Variants in RNF10 observed in about 807,000 individuals in gnomAD.
RNF10 encodes the protein E3 ubiquitin-protein ligase RNF10.
Under a neutral mutation model 91.4 loss-of-function variants are expected in RNF10, and 38 were observed. The observed-to-expected ratio is 0.42, with a 90% CI of 0.32 to 0.54. The LOEUF (loss-of-function observed/expected upper bound fraction) is 0.54, where lower values mean the gene tolerates loss of function less well. Among genes scored for constraint, RNF10 ranks in the 20% least tolerant of loss-of-function variants. The probability of loss-of-function intolerance (pLI) is 0.16; values close to 1 mark genes in which losing one functional copy is unlikely to be tolerated. For synonymous variants in RNF10, 364 were observed against 366.3 expected, an observed-to-expected ratio of 0.99 and a Z score of 0.07; for missense variants, 945 against 1,012.0, an observed-to-expected ratio of 0.93 and a Z score of 0.90.
intron 2 of RNF10, among the ~76,000 whole-genome samples, chr12:120,550,480 TGATTAAAGA>T (rs1340543164): frequency 6.6e-6 from 1 of 152,158 alleles, no homozygotes; most frequent in Non-Finnish European, 1.5e-5. Context: ...GAAGACCGTT[TGATTAAAGA>T]GATCAGAGCC....
chr12:120,537,591 G>A (rs1871013125), intron 1 of RNF10, among the ~76,000 whole-genome samples: 1 of 152,134 alleles, frequency 6.6e-6, no homozygotes, highest in Admixed American at 6.6e-5. Flanking sequence ...TTGCACCATT[G>A]CACTCCAGCC....
At chr12:120,561,493 A>ATGGC (rs1319270067) in intron 7 of RNF10, among the ~76,000 whole-genome samples, 28 of 152,314 alleles carry the variant, frequency 1.8e-4, no homozygotes, top group African/African-American at 6.7e-4. Flanking sequence ...GGTGATTCTG[A>ATGGC]TGGCTGCTCA....
intron 1 of RNF10, chr12:120,535,299 A>G (rs901957039): frequency 1.8e-5 from 4 of 227,886 alleles, no homozygotes; most frequent in East Asian, 1.1e-4. Context: ...TCATCAGTCC[A>G]CGCTCCTAAA....
chr12:120,551,290 G>GTTTTTGT (rs1873022201), intron 2 of RNF10, among the ~76,000 whole-genome samples: 1 of 83,220 alleles, frequency 1.2e-5, no homozygotes, highest in African/African-American at 4.7e-5. Flanking sequence ...CCATCCTAGT[G>GTTTTTGT]TTTTTTTTTT....
intron 4 of RNF10, 140 bp from the exon 5 acceptor site, chr12:120,557,142 T>C: frequency 1.4e-6 from 1 of 736,140 alleles, no homozygotes; most frequent in African/African-American, 1.8e-5. Context: ...GTAAACAATT[T>C]TAGAAAGATA....
rs1433975359 is a variant in RNF10, at chr12:120,575,934, T to A, written c.2343T>A (p.Thr781=). Residue 781 remains threonine (T), a synonymous_variant, in exon 16 of 17, where the codon ACT becomes ACA. Coordinates refer to ENST00000325954, the MANE Select transcript of RNF10 (RefSeq NM_014868.5). ...TCATGAAACTGGACACACCAGCTAC[T>A]TCAGATCCCCTCTCTGGTAAGGGCA... The part of the protein sequence containing the change: ...AAFMKLDTPA[T]SDPLSEEKGG... 4 of 1,613,758 alleles carry A rather than the reference T, an allele frequency of 2.5e-6. No individual in the cohort carries two copies. The highest frequency in any genetic ancestry group is 3.4e-6 in the Non-Finnish European group (4 of 1,180,024).
At chr12:120,537,182 T>A in intron 1 of RNF10, among the ~76,000 whole-genome samples, 1 of 151,734 alleles carries the variant, frequency 6.6e-6, no homozygotes, top group East Asian at 1.9e-4. Context: ...GGCACGCACC[T>A]GTAGTCCCAG....
intron 6 of RNF10, among the ~76,000 whole-genome samples, chr12:120,558,825 C>T (rs941005893): frequency 6.6e-6 from 1 of 151,638 alleles, no homozygotes; most frequent in Non-Finnish European, 1.5e-5. Context: ...CCCGCCTTAC[C>T]TCCCAAAGTG....
intron 2 of RNF10, among the ~76,000 whole-genome samples, chr12:120,551,232 C>G (rs1376933944): frequency 6.6e-6 from 1 of 150,940 alleles, no homozygotes; most frequent in Non-Finnish European, 1.5e-5. Flanking sequence ...ATGATCCTCC[C>G]TCCTTGGCCT....
At chr12:120,557,137 CA>C (rs1874167964) in intron 4 of RNF10, 144 bp from the exon 5 acceptor site, 1 of 622,698 alleles carries the variant, frequency 1.6e-6, no homozygotes, top group Non-Finnish European at 2.7e-6. Flanking sequence ...ACGTTGTAAA[CA>C]ATTTTAGAAA....
At chr12:120,565,036 TG>T (rs1333509472) in intron 10 of RNF10, 35 bp from the exon 11 acceptor site, 1 of 1,430,334 alleles carries the variant, frequency 7.0e-7, no homozygotes, top group East Asian at 2.3e-5. Flanking sequence ...GAGTTAGGCT[TG>T]CTTTTGTTGA....
At chr12:120,574,437 G>C (rs762151714) in intron 14 of RNF10, 3 of 455,900 alleles carry the variant, frequency 6.6e-6, no homozygotes, top group South Asian at 1.5e-5. Context: ...TCAGGGGCAT[G>C]AGGATTGTTC....
At chr12:120,571,122 C>A in intron 13 of RNF10, 69 bp from the exon 14 acceptor site, 1 of 999,764 alleles carries the variant, frequency 1.0e-6, no homozygotes, top group Non-Finnish European at 1.6e-6. Context: ...TCAGGGCTCA[C>A]TCATCTCTCT....
intron 1 of RNF10, among the ~76,000 whole-genome samples, chr12:120,538,456 A>G (rs1871137357): frequency 6.6e-6 from 1 of 152,214 alleles, no homozygotes; most frequent in Non-Finnish European, 1.5e-5. Flanking sequence ...AGAGTCGCAT[A>G]CCACAGTTTC....
chr12:120,558,706 C>T (rs1436804628), intron 6 of RNF10, among the ~76,000 whole-genome samples: 1 of 150,880 alleles, frequency 6.6e-6, no homozygotes. Flanking sequence ...GTAGCTGGGA[C>T]TACAGGCGCC....
Position 120,576,898 on chromosome 12 carries a change from G to A in RNF10, c.*232G>A. 1 of 492,226 alleles carries A rather than the reference G, an allele frequency of 2.0e-6. No homozygotes were observed. Among genetic ancestry groups the A allele is most frequent in the Non-Finnish European group, 3.6e-6 (1 of 281,010 alleles). 30.5% of individuals were successfully genotyped at this position (492,226 alleles called of 1,614,324 possible). A position where few individuals can be genotyped will look rare whatever the true frequency, so the allele number is the denominator to read the frequency against. ...GTATTGACACAAGAGATCTCTTCCT[G>A]CCAAGGTTTTTAGTTCATTGCCAGT... On this transcript the variant is annotated 3_prime_UTR_variant, in exon 17 of 17. Coordinates refer to ENST00000325954, the MANE Select transcript of RNF10 (RefSeq NM_014868.5).
rs1321183324 is a variant in RNF10 at position 120,552,013 on chromosome 12, C to T, written c.355-486C>T. Among the ~76,000 whole-genome samples the T allele has an allele frequency of 5.4e-5, 7 of 130,720 alleles. 1 individual carries two copies. The highest frequency in any genetic ancestry group is 2.0e-4 in the African/African-American group (7 of 35,280). 85.8% of individuals were successfully genotyped at this position (130,720 alleles called of 152,430 possible). On this transcript the variant is annotated intron_variant, in intron 2 of 16. Coordinates refer to ENST00000325954, the MANE Select transcript of RNF10 (RefSeq NM_014868.5). ...ACTGCATAAGAGGAAATGCTACATA[C>T]TTTTTTTTTTTTTTGAGCTGAGGTC...
At chr12:120,548,142 A>G (rs910018971) in intron 2 of RNF10, among the ~76,000 whole-genome samples, 4 of 152,182 alleles carry the variant, frequency 2.6e-5, no homozygotes, top group African/African-American at 9.6e-5. Flanking sequence ...TAGGGTTGAG[A>G]TAAAGAACTT....
intron 7 of RNF10, among the ~76,000 whole-genome samples, chr12:120,562,491 C>T (rs983056608): frequency 6.6e-6 from 1 of 151,892 alleles, no homozygotes; most frequent in Non-Finnish European, 1.5e-5. Context: ...TCAGGGTGGT[C>T]TTGAACTTCC....
Sources: allele counts gnomAD v4.1 joint callset (sites outside exome capture counted in the v4.1 genomes callset), GRCh38; gene constraint gnomAD v4.1.1; transcripts MANE v1.5; gene names NCBI Gene and HGNC (gene_info 2026-07-23, HGNC 2026-07-21).